TFDP2: variants seen among roughly 807,000 people sequenced by gnomAD.
TFDP2 encodes the protein transcription factor Dp-2.
In TFDP2, 17 loss-of-function variants were observed where a neutral mutation model predicts 59.3. That is an observed-to-expected ratio of 0.29 (90% CI 0.20 to 0.43). The LOEUF (loss-of-function observed/expected upper bound fraction) is 0.43, where lower values mean the gene tolerates loss of function less well. Ranked by LOEUF, TFDP2 falls within the 20% of genes least tolerant of loss-of-function variation. The probability of loss-of-function intolerance (pLI) is 1.00; values close to 1 mark genes in which losing one functional copy is unlikely to be tolerated. For missense variants in TFDP2, 391 were observed against 528.8 expected, an observed-to-expected ratio of 0.74 and a Z score of 2.56; for synonymous variants, 180 against 194.7, an observed-to-expected ratio of 0.92 and a Z score of 0.63.
intron 8 of TFDP2, among the ~76,000 whole-genome samples, chr3:141,973,095 A>ATG (rs2056555376): frequency 5.0e-5 from 3 of 60,268 alleles, no homozygotes; most frequent in African/African-American, 2.4e-4. Context: ...AGCTATGTGT[A>ATG]TATATATATA....
intron 8 of TFDP2, among the ~76,000 whole-genome samples, chr3:141,972,261 T>C (rs142951556): frequency 1.3e-5 from 2 of 152,340 alleles, no homozygotes; most frequent in African/African-American, 2.4e-5. Context: ...GCTGCACTGA[T>C]TGTACCTCTA....
chr3:141,974,059 G>C lies in TFDP2; in HGVS notation c.652C>G (p.Gln218Glu). Residue 218 changes from glutamine to glutamate, a missense_variant, in exon 8 of 13, where the codon CAG becomes GAG. Coordinates refer to ENST00000489671, the MANE Select transcript of TFDP2 (RefSeq NM_001178139.2). ...GLPTNSAQEC[Q>E]NLEIEKQRRI... is the part of the protein sequence containing the mutation. ...ATTTTCTCACTTACCTCCAGATTCT[G>C]ACATTCCTGAGCAGAATTGGTAGGC... The C allele has an allele frequency of 6.2e-7, 1 of 1,609,754 alleles. No homozygotes were observed. Among genetic ancestry groups the C allele is most frequent in the Non-Finnish European group, 8.5e-7 (1 of 1,178,734 alleles).
intron 1 of TFDP2, among the ~76,000 whole-genome samples, chr3:142,119,955 C>G (rs1426763172): frequency 6.6e-6 from 1 of 151,386 alleles, no homozygotes; most frequent in Non-Finnish European, 1.5e-5. Flanking sequence ...GAGGCTGAGG[C>G]AGGAGAATTG....
At chr3:141,960,109 A>G (rs1041830647) in intron 10 of TFDP2, among the ~76,000 whole-genome samples, 34 of 152,220 alleles carry the variant, frequency 2.2e-4, no homozygotes, top group African/African-American at 7.7e-4. Context: ...GAGGATAGAA[A>G]TTTTATTCTA....
At position 142,014,620 on chromosome 3, in the gene TFDP2, A is replaced by G. The variant is rs532154227; in HGVS notation, c.83-9076T>C. On this transcript the variant is annotated intron_variant, in intron 3 of 12. Transcript: ENST00000489671. Reference sequence around the variant, plus strand: ...TAAGATGCTAACTATAGATTACACCATCTTCTTGCTTTTCTTCTTCTGTCA... The same window carrying G: ...TAAGATGCTAACTATAGATTACACCGTCTTCTTGCTTTTCTTCTTCTGTCA... Among the ~76,000 whole-genome samples, 6 of 152,256 alleles carry G rather than the reference A, an allele frequency of 3.9e-5. No homozygotes were observed. In the South Asian group the frequency reaches 1.0e-3, roughly 26 times the overall value.
At chr3:142,112,336 TTCTCAGC>T (rs2061692660) in intron 1 of TFDP2, among the ~76,000 whole-genome samples, 3 of 152,332 alleles carry the variant, frequency 2.0e-5, no homozygotes, top group Non-Finnish European at 4.4e-5. Context: ...TGTAACAAGA[TTCTCAGC>T]TCAGAAATAA....
At chr3:142,131,473 C>G (rs984856558) in intron 1 of TFDP2, among the ~76,000 whole-genome samples, 1 of 149,974 alleles carries the variant, frequency 6.7e-6, no homozygotes, top group Non-Finnish European at 1.5e-5. Context: ...AGGCAGAAAT[C>G]TGCTCCCAAA....
chr3:142,044,099 T>TGGC (rs1439988597), intron 3 of TFDP2: 2 of 641,022 alleles, frequency 3.1e-6, no homozygotes, highest in African/African-American at 1.8e-5. Flanking sequence ...GAGTTGGCAT[T>TGGC]GGCAATTTCA....
intron 3 of TFDP2, among the ~76,000 whole-genome samples, chr3:142,012,896 T>C (rs2108306496): frequency 6.6e-6 from 1 of 152,300 alleles, no homozygotes; most frequent in South Asian, 2.1e-4. Context: ...CCCAGCACTT[T>C]GGGAGGCCGA....
chr3:141,964,189 A>G (rs1382930447), intron 9 of TFDP2, among the ~76,000 whole-genome samples: 5 of 152,198 alleles, frequency 3.3e-5, no homozygotes, highest in African/African-American at 7.2e-5. Flanking sequence ...AATCTGGGAA[A>G]GAACCAGTAG....
At chr3:142,096,825 G>A (rs1217866130) in intron 2 of TFDP2, among the ~76,000 whole-genome samples, 3 of 152,094 alleles carry the variant, frequency 2.0e-5, no homozygotes, top group East Asian at 1.9e-4. Context: ...ATCGTGGAAC[G>A]GTCACTACAA....
chr3:142,086,255 T>C (rs2060808232), intron 3 of TFDP2, among the ~76,000 whole-genome samples: 1 of 152,164 alleles, frequency 6.6e-6, no homozygotes, highest in African/African-American at 2.4e-5. Context: ...GTCACCAAAA[T>C]GTGTGGGGAT....
intron 10 of TFDP2, among the ~76,000 whole-genome samples, chr3:141,961,651 C>T (rs1937378171): frequency 6.6e-6 from 1 of 152,262 alleles, no homozygotes; most frequent in African/African-American, 2.4e-5. Context: ...TTACTGACCA[C>T]TGGGCTGGGT....
chr3:142,069,007 C>T (rs2060156936), intron 3 of TFDP2, among the ~76,000 whole-genome samples: 1 of 152,098 alleles, frequency 6.6e-6, no homozygotes, highest in African/African-American at 2.4e-5. Context: ...CCTCCGTCTC[C>T]TTGGTTCAAC....
At chr3:142,000,076 A>G (rs1943635973) in intron 4 of TFDP2, among the ~76,000 whole-genome samples, 1 of 152,206 alleles carries the variant, frequency 6.6e-6, no homozygotes, top group South Asian at 2.1e-4. Context: ...TTTTTTAAAA[A>G]TCATGGATGA....
chr3:142,073,472 C>CCCCCCCCAA, intron 3 of TFDP2, among the ~76,000 whole-genome samples: 1 of 52,502 alleles, frequency 1.9e-5, no homozygotes, highest in Non-Finnish European at 3.6e-5. Context: ...CCCCCCCCCG[C>CCCCCCCCAA]AAAAAAAAAA....
chr3:142,071,667 A>C (rs2060253420), intron 3 of TFDP2, among the ~76,000 whole-genome samples: 1 of 152,206 alleles, frequency 6.6e-6, no homozygotes, highest in Non-Finnish European at 1.5e-5. Flanking sequence ...GTGAAGGCAG[A>C]GAAAATGGGT....
At chr3:142,041,158 G>C (rs1423396986) in intron 3 of TFDP2, among the ~76,000 whole-genome samples, 1 of 152,188 alleles carries the variant, frequency 6.6e-6, no homozygotes, top group Non-Finnish European at 1.5e-5. Context: ...TCATAAGTGA[G>C]GGCTGACTTG....
chr3:141,981,065 C>T (rs1194570433), intron 6 of TFDP2, among the ~76,000 whole-genome samples: 2 of 152,094 alleles, frequency 1.3e-5, no homozygotes, highest in African/African-American at 4.8e-5. Flanking sequence ...CACTCACTGA[C>T]TCACCCAGAG....
Sources: allele counts gnomAD v4.1 joint callset (sites outside exome capture counted in the v4.1 genomes callset), GRCh38; gene constraint gnomAD v4.1.1; transcripts MANE v1.5; gene names NCBI Gene and HGNC (gene_info 2026-07-23, HGNC 2026-07-21).